TENM4: variants seen among roughly 807,000 people sequenced by gnomAD.
TENM4 encodes teneurin transmembrane protein 4.
A neutral mutation model predicts 243.3 loss-of-function variants in TENM4; 82 were observed. The ratio of observed to expected loss-of-function variants is 0.34; its 90% CI spans 0.28 to 0.40. The LOEUF (loss-of-function observed/expected upper bound fraction) is 0.40, where lower values mean the gene tolerates loss of function less well. TENM4 is among the 10% of genes least tolerant of loss of function. TENM4 has a pLI of 1.00. For synonymous variants in TENM4, 1,412 were observed against 1,456.3 expected, an observed-to-expected ratio of 0.97 and a Z score of 0.69; for missense variants, 3,138 against 3,673.3, an observed-to-expected ratio of 0.85 and a Z score of 3.77.
intron 4 of TENM4, among the ~76,000 whole-genome samples, chr11:79,138,688 CATTAT>C (rs1377743031): frequency 2.2e-5 from 1 of 46,288 alleles, no homozygotes; most frequent in African/African-American, 8.4e-5. Flanking sequence ...ATAAAACATA[CATTAT>C]ATTTATATAA....
intron 2 of TENM4, among the ~76,000 whole-genome samples, chr11:79,242,493 T>C (rs1037630984): frequency 6.6e-6 from 1 of 152,248 alleles, no homozygotes; most frequent in African/African-American, 2.4e-5. Flanking sequence ...TCCTTCCTGT[T>C]ATTTTTCTGT....
chr11:78,842,333 C>T (rs187195888), intron 12 of TENM4, among the ~76,000 whole-genome samples: 127 of 152,322 alleles, frequency 8.3e-4, no homozygotes, highest in African/African-American at 2.4e-3. Context: ...AATGTCTTCC[C>T]TCCTTTATAC....
chr11:78,823,193 C>A (rs1345581909), intron 12 of TENM4, among the ~76,000 whole-genome samples: 1 of 152,204 alleles, frequency 6.6e-6, no homozygotes, highest in Non-Finnish European at 1.5e-5. Flanking sequence ...GCGAGCGCTC[C>A]CGGGAAATGC....
chr11:79,340,488 G>A (rs1448411671), intron 1 of TENM4, among the ~76,000 whole-genome samples: 1 of 152,136 alleles, frequency 6.6e-6, no homozygotes, highest in Non-Finnish European at 1.5e-5. Flanking sequence ...ACTGGGCTAG[G>A]GTGGAATGTC....
At chr11:79,326,273 C>T (rs1856974324) in intron 1 of TENM4, among the ~76,000 whole-genome samples, 1 of 152,170 alleles carries the variant, frequency 6.6e-6, no homozygotes, top group Non-Finnish European at 1.5e-5. Flanking sequence ...CCCTTGGCTT[C>T]CATTTCTCCT....
chr11:79,203,134 G>A (rs1188567271), intron 3 of TENM4, among the ~76,000 whole-genome samples: 1 of 152,174 alleles, frequency 6.6e-6, no homozygotes, highest in Admixed American at 6.5e-5. Context: ...AACAAATATT[G>A]ATGAAGATGT....
At chr11:79,200,723 G>C (rs1565247228) in intron 3 of TENM4, among the ~76,000 whole-genome samples, 1 of 152,186 alleles carries the variant, frequency 6.6e-6, no homozygotes, top group Non-Finnish European at 1.5e-5. Flanking sequence ...CAAAGTCAAG[G>C]CAGGGGCAGG....
intron 24 of TENM4, among the ~76,000 whole-genome samples, chr11:78,722,148 C>A (rs962726086): frequency 2.6e-5 from 4 of 152,128 alleles, no homozygotes; most frequent in African/African-American, 9.7e-5. Flanking sequence ...GTAGCTAGGA[C>A]TACAGGCAGG....
intron 2 of TENM4, among the ~76,000 whole-genome samples, chr11:79,285,756 C>CAAA: frequency 7.2e-6 from 1 of 137,962 alleles, no homozygotes; most frequent in East Asian, 2.1e-4. Flanking sequence ...TGAAAAAAAC[C>CAAA]AAAAAAAAAA....
rs779124670 is a variant in TENM4, at chr11:78,891,262, C to T, written c.824G>A (p.Arg275His). The change falls in exon 8 of 34, where the codon CGC (arginine) becomes CAC (histidine). Residue 275 changes from arginine (R) to histidine (H), a missense_variant. Coordinates refer to ENST00000278550, the MANE Select transcript of TENM4 (RefSeq NM_001098816.3). The stretch of plus-strand genomic sequence containing the variant: ...CCCGTCACTGTAAGCCCCATCATGG[C>T]GGGAGGCGCCGAGAATGTCCATCTC... ...LIEMDILGAS[R>H]HDGAYSDGHF... 3.1e-4 allele frequency: 483 copies of T among 1,551,564 alleles called. 1 individual carries two copies. Among genetic ancestry groups the T allele is most frequent in the Non-Finnish European group, 4.0e-4 (461 of 1,147,006 alleles).
intron 18 of TENM4, among the ~76,000 whole-genome samples, chr11:78,758,106 C>T (rs1275983971): frequency 6.6e-6 from 1 of 152,116 alleles, no homozygotes; most frequent in Non-Finnish European, 1.5e-5. Flanking sequence ...AGGAAAAGCC[C>T]AGGGGTACAG....
At chr11:79,205,046 T>C (rs1863820707) in intron 3 of TENM4, among the ~76,000 whole-genome samples, 1 of 152,212 alleles carries the variant, frequency 6.6e-6, no homozygotes, top group South Asian at 2.1e-4. Flanking sequence ...CAGATACTTG[T>C]TGCCTCTTAG....
At chr11:79,322,511 A>G (rs538837332) in intron 1 of TENM4, among the ~76,000 whole-genome samples, 67 of 152,258 alleles carry the variant, frequency 4.4e-4, no homozygotes, top group African/African-American at 1.5e-3. Context: ...TTATTTGTCT[A>G]TATCTTTCCA....
At chr11:79,341,940 T>C (rs768592949) in intron 1 of TENM4, among the ~76,000 whole-genome samples, 5 of 152,192 alleles carry the variant, frequency 3.3e-5, no homozygotes, top group Non-Finnish European at 7.3e-5. Context: ...ATCTGTAAAA[T>C]GGATATAAGA....
At chr11:78,731,790 A>C (rs887475791) in intron 21 of TENM4, among the ~76,000 whole-genome samples, 25 of 152,234 alleles carry the variant, frequency 1.6e-4, no homozygotes, top group Admixed American at 1.1e-3. Flanking sequence ...AATTGGCATG[A>C]AGGCAGCGTG....
intron 1 of TENM4, among the ~76,000 whole-genome samples, chr11:79,334,590 G>C (rs1857117376): frequency 6.6e-6 from 1 of 152,124 alleles, no homozygotes; most frequent in Non-Finnish European, 1.5e-5. Context: ...GGCATCCCTT[G>C]CCTGTCTCCA....
chr11:79,326,172 A>G (rs1590881520), intron 1 of TENM4, among the ~76,000 whole-genome samples: 1 of 151,950 alleles, frequency 6.6e-6, no homozygotes, highest in African/African-American at 2.4e-5. Flanking sequence ...TGACTCAAAA[A>G]CCCTCTTGGG....
chr11:79,314,942 C>T (rs554372732), intron 1 of TENM4, among the ~76,000 whole-genome samples: 9 of 152,258 alleles, frequency 5.9e-5, no homozygotes, highest in Admixed American at 4.6e-4. Flanking sequence ...GTGGCCAGGG[C>T]CAAGAACAGC....
At chr11:78,835,131 G>T (rs982581113) in intron 12 of TENM4, among the ~76,000 whole-genome samples, 2 of 152,252 alleles carry the variant, frequency 1.3e-5, no homozygotes, top group South Asian at 2.1e-4. Context: ...GCATGTAACA[G>T]TCAACCACAA....
Sources: gnomAD v4.1 joint callset for allele counts (sites outside exome capture counted in the v4.1 genomes callset) on GRCh38, gnomAD v4.1.1 for gene constraint, MANE v1.5 for transcripts, NCBI Gene and HGNC (gene_info 2026-07-23, HGNC 2026-07-21) for gene names.